Variants in CSMD1 observed in about 807,000 individuals in gnomAD.
The protein encoded by CSMD1 is CUB and sushi domain-containing protein 1.
Under a neutral mutation model 417.5 loss-of-function variants are expected in CSMD1, and 213 were observed. The observed-to-expected ratio is 0.51, with a 90% CI of 0.46 to 0.57. The LOEUF (loss-of-function observed/expected upper bound fraction) is 0.57, where lower values mean the gene tolerates loss of function less well. Ranked by LOEUF, CSMD1 falls within the 20% of genes least tolerant of loss-of-function variation. CSMD1 has a pLI of 0.00. For missense variants in CSMD1, 6,923 were observed against 4,529.7 expected, an observed-to-expected ratio of 1.53 and a Z score of -15.17; for synonymous variants, 2,862 against 1,736.8, an observed-to-expected ratio of 1.65 and a Z score of -16.11.
chr8:4,966,308 G>A (rs888772622), intron 1 of CSMD1, among the ~76,000 whole-genome samples: 3 of 151,906 alleles, frequency 2.0e-5, no homozygotes, highest in African/African-American at 7.3e-5. Context: ...GAACCCAGGA[G>A]ACGAAGGTTG....
intron 12 of CSMD1, among the ~76,000 whole-genome samples, chr8:3,448,286 T>C (rs903341340): frequency 2.5e-5 from 1 of 39,288 alleles, no homozygotes; most frequent in Non-Finnish European, 5.4e-5. Context: ...GGGACACACA[T>C]CTTTCTGAAA....
intron 5 of CSMD1, among the ~76,000 whole-genome samples, chr8:3,860,850 A>C (rs1190955522): frequency 6.6e-6 from 1 of 152,230 alleles, no homozygotes; most frequent in Non-Finnish European, 1.5e-5. Flanking sequence ...AAAAATATAC[A>C]ATCATGAAAA....
chr8:4,932,760 T>C lies in CSMD1; in HGVS notation c.85+61572A>G, dbSNP rs117114710. ...TACGATCCTTAAAATAATCCAAGCT[T>C]ACACTGACTTAAAGGTAAATTTTTA... On this transcript the variant is annotated intron_variant, in intron 1 of 69. Transcript: ENST00000635120. Among the ~76,000 whole-genome samples, 1,037 of 152,310 alleles carry C rather than the reference T, an allele frequency of 6.8e-3. 8 individuals carry two copies. Among genetic ancestry groups the C allele is most frequent in the Middle Eastern group, 0.017 (5 of 294 alleles).
intron 11 of CSMD1, among the ~76,000 whole-genome samples, chr8:3,478,912 C>G (rs913500505): frequency 2.0e-5 from 3 of 152,100 alleles, no homozygotes; most frequent in African/African-American, 7.2e-5. Context: ...AGTCTCTTCC[C>G]CACCCAGACA....
At chr8:3,730,241 G>A (rs372636754) in intron 6 of CSMD1, among the ~76,000 whole-genome samples, 177 of 152,118 alleles carry the variant, frequency 1.2e-3, no homozygotes, top group Middle Eastern at 6.8e-3. Flanking sequence ...GGTTAAATTC[G>A]AGATGAGAAA....
chr8:3,277,152 G>C (rs1014058414), intron 26 of CSMD1, among the ~76,000 whole-genome samples: 2 of 152,150 alleles, frequency 1.3e-5, no homozygotes, highest in Non-Finnish European at 2.9e-5. Context: ...GGCTTTGCCA[G>C]AGTGGAGGAT....
chr8:4,948,254 T>C (rs1808497134), intron 1 of CSMD1, among the ~76,000 whole-genome samples: 1 of 152,066 alleles, frequency 6.6e-6, no homozygotes, highest in Non-Finnish European at 1.5e-5. Context: ...TAATTTTTTA[T>C]CGTCTTTACC....
intron 1 of CSMD1, among the ~76,000 whole-genome samples, chr8:4,869,498 C>A (rs1443569448): frequency 2.6e-5 from 4 of 151,978 alleles, no homozygotes; most frequent in Admixed American, 2.0e-4. Flanking sequence ...AAAGTTTAAA[C>A]TCAAGGTAGT....
At chr8:3,882,190 CA>C (rs1257449312) in intron 5 of CSMD1, among the ~76,000 whole-genome samples, 1 of 151,582 alleles carries the variant, frequency 6.6e-6, no homozygotes, top group Admixed American at 6.6e-5. Flanking sequence ...TCTTACAAAT[CA>C]ACAAGAAAGA....
At chr8:3,777,121 TACACACACACACACACAC>T (rs3028584) in intron 5 of CSMD1, among the ~76,000 whole-genome samples, 29 of 146,610 alleles carry the variant, frequency 2.0e-4, no homozygotes, top group African/African-American at 5.6e-4. Flanking sequence ...TATCTATACC[TACACACACACACACACAC>T]ACACACACAC....
chr8:3,205,364 G>A (rs568922234), intron 31 of CSMD1, 140 bp downstream of exon 31: 61 of 566,684 alleles, frequency 1.1e-4, no homozygotes, highest in African/African-American at 9.7e-4. Flanking sequence ...ATGTTTGGAA[G>A]GCCTGCTACT....
chr8:3,973,941 T>G (rs2130110223), intron 5 of CSMD1, among the ~76,000 whole-genome samples: 1 of 152,330 alleles, frequency 6.6e-6, no homozygotes, highest in South Asian at 2.1e-4. Flanking sequence ...AACATGCACA[T>G]CATGAAAAAT....
chr8:3,451,755 C>T (rs1460998783), intron 12 of CSMD1, among the ~76,000 whole-genome samples: 1 of 152,164 alleles, frequency 6.6e-6, no homozygotes, highest in South Asian at 2.1e-4. Flanking sequence ...AGCATGACGC[C>T]TCCAGCTTTG....
intron 7 of CSMD1, among the ~76,000 whole-genome samples, chr8:3,705,439 G>C (rs1230429366): frequency 6.6e-6 from 1 of 152,180 alleles, no homozygotes; most frequent in Non-Finnish European, 1.5e-5. Flanking sequence ...GCCAGCACTG[G>C]ATGAAAACTT....
intron 5 of CSMD1, among the ~76,000 whole-genome samples, chr8:3,853,822 A>G (rs1407116840): frequency 6.6e-6 from 1 of 150,720 alleles, no homozygotes; most frequent in African/African-American, 2.4e-5. Flanking sequence ...ATACATATGT[A>G]ACAAACCTGC....
At chr8:4,576,169 T>C (rs181547165) in intron 2 of CSMD1, among the ~76,000 whole-genome samples, 117 of 152,388 alleles carry the variant, frequency 7.7e-4, no homozygotes, top group African/African-American at 2.5e-3. Flanking sequence ...TGTCGAGTTA[T>C]GTGCACTAAG....
chr8:3,258,239 G>T (rs999211752), intron 26 of CSMD1, among the ~76,000 whole-genome samples: 1 of 152,056 alleles, frequency 6.6e-6, no homozygotes, highest in African/African-American at 2.4e-5. Context: ...AAGGAACTTG[G>T]ACAAATTTAC....
intron 3 of CSMD1, among the ~76,000 whole-genome samples, chr8:4,213,937 T>C (rs1800476039): frequency 6.6e-6 from 1 of 152,206 alleles, no homozygotes; most frequent in Non-Finnish European, 1.5e-5. Context: ...GACACTAGCA[T>C]ACGACTATGT....
At chr8:4,991,104 C>T (rs1302537492) in intron 1 of CSMD1, among the ~76,000 whole-genome samples, 3 of 152,114 alleles carry the variant, frequency 2.0e-5, no homozygotes, top group Admixed American at 1.3e-4. Context: ...CATGGCTGCA[C>T]ATATGCAAGA....
Sources: gnomAD v4.1 joint callset for allele counts (sites outside exome capture counted in the v4.1 genomes callset) on GRCh38, gnomAD v4.1.1 for gene constraint, MANE v1.5 for transcripts, NCBI Gene and HGNC (gene_info 2026-07-23, HGNC 2026-07-21) for gene names.